The following TENM3 variants were observed in gnomAD, a reference collection of about 807,000 sequenced individuals.
TENM3 encodes the protein teneurin transmembrane protein 3, also known as teneurin-3.
TENM3 carries 63 observed loss-of-function variants against 255.1 expected under a neutral mutation model. That is an observed-to-expected ratio of 0.25 (90% CI 0.20 to 0.30). The LOEUF (loss-of-function observed/expected upper bound fraction) is 0.30. Ranked by LOEUF, TENM3 falls within the 10% of genes least tolerant of loss-of-function variation. The pLI is 1.00. For missense variants in TENM3, 2,929 were observed against 3,461.1 expected (o/e 0.85, Z 3.86); for synonymous variants, 1,306 against 1,322.3 (o/e 0.99, Z 0.27).
At chr4:182,084,057 T>C in the TENM3 span, among the ~76,000 whole-genome samples, 6 of 152,064 alleles carry the variant, frequency 3.9e-5, no homozygotes, top group African/African-American at 1.4e-4. Flanking sequence ...AATTCTGCCA[T>C]TTTTTTTCTC....
the TENM3 span, among the ~76,000 whole-genome samples, chr4:181,713,674 A>C: frequency 6.6e-6 from 1 of 152,130 alleles, no homozygotes; most frequent in Admixed American, 6.6e-5. Flanking sequence ...GGTTTGGGCC[A>C]CCAAGATTGA....
the TENM3 span, among the ~76,000 whole-genome samples, chr4:181,563,122 G>A: frequency 1.3e-5 from 2 of 152,332 alleles, no homozygotes; most frequent in African/African-American, 4.8e-5. Context: ...CACACGGGGA[G>A]GGTGGCTTAA....
the TENM3 span, among the ~76,000 whole-genome samples, chr4:181,503,223 G>A: frequency 2.0e-5 from 3 of 151,984 alleles, no homozygotes; most frequent in African/African-American, 7.2e-5. Flanking sequence ...AAAAATAGCT[G>A]GGCATGCTGG....
chr4:182,455,442 T>C (rs190236940), intron 3 of TENM3, among the ~76,000 whole-genome samples: 54 of 152,144 alleles, frequency 3.5e-4, no homozygotes, highest in Admixed American at 8.5e-4. Context: ...TACCTCACCC[T>C]CTACTGCTCC....
At chr4:182,307,407 G>T (rs1177672705) in intron 1 of TENM3, among the ~76,000 whole-genome samples, 1 of 152,136 alleles carries the variant, frequency 6.6e-6, no homozygotes, top group Non-Finnish European at 1.5e-5. Flanking sequence ...TACACCTCCT[G>T]GTTGCAGAAG....
chr4:182,031,670 C>T, the TENM3 span, among the ~76,000 whole-genome samples: 1 of 152,110 alleles, frequency 6.6e-6, no homozygotes, highest in Non-Finnish European at 1.5e-5. Flanking sequence ...GATGTTGATT[C>T]TTCCTATCCA....
At chr4:181,467,148 T>TTTTGGG in the TENM3 span, among the ~76,000 whole-genome samples, 2 of 109,202 alleles carry the variant, frequency 1.8e-5, no homozygotes, top group African/African-American at 7.7e-5. Flanking sequence ...TTTTTTTTTT[T>TTTTGGG]AGGCAGAGTC....
rs1022656315 is a variant in TENM3, at chr4:182,389,907, C to G, written c.511+42978C>G. 1.4e-3 allele frequency among the ~76,000 whole-genome samples: 220 copies of G among 151,940 alleles called. 3 individuals are homozygous for G. Among genetic ancestry groups the G allele is most frequent in the Non-Finnish European group, 1.3e-3 (89 of 67,916 alleles). On this transcript the variant is annotated intron_variant, in intron 3 of 27. Coordinates refer to ENST00000511685, the MANE Select transcript of TENM3 (RefSeq NM_001080477.4). ...TCACCATGTTGGCCAGGATGGTCTCCGTCTCCTGACCTCGTGATCCGCCCG... is the reference window on the plus strand; with the variant it reads ...TCACCATGTTGGCCAGGATGGTCTCGGTCTCCTGACCTCGTGATCCGCCCG...
At chr4:182,625,426 C>T (rs1034116312) in intron 4 of TENM3, among the ~76,000 whole-genome samples, 2 of 151,864 alleles carry the variant, frequency 1.3e-5, no homozygotes, top group Non-Finnish European at 3.0e-5. Context: ...CGAGGTTGTG[C>T]GAGAATCTAA....
intron 1 of TENM3, among the ~76,000 whole-genome samples, chr4:182,317,998 A>G (rs1461474884): frequency 1.3e-5 from 2 of 152,208 alleles, no homozygotes; most frequent in Non-Finnish European, 2.9e-5. Context: ...TACTCTGTAC[A>G]AAGAACTTAA....
the TENM3 span, among the ~76,000 whole-genome samples, chr4:181,803,300 T>C: frequency 6.6e-6 from 1 of 152,346 alleles, no homozygotes; most frequent in African/African-American, 2.4e-5. Flanking sequence ...CAAGAATGTA[T>C]CCAGCTTTCT....
chr4:182,137,291 C>G, the TENM3 span, among the ~76,000 whole-genome samples: 1 of 151,842 alleles, frequency 6.6e-6, no homozygotes, highest in East Asian at 1.9e-4. Context: ...GTTAGCTTTT[C>G]CAGCCTCTGC....
intron 3 of TENM3, among the ~76,000 whole-genome samples, chr4:182,412,402 T>C (rs1770048726): frequency 6.6e-6 from 1 of 152,178 alleles, no homozygotes; most frequent in African/African-American, 2.4e-5. Context: ...TATAAAATAC[T>C]ATTCAAAATG....
chr4:182,358,167 G>T (rs1765697744), intron 3 of TENM3, among the ~76,000 whole-genome samples: 1 of 151,424 alleles, frequency 6.6e-6, no homozygotes, highest in African/African-American at 2.4e-5. Context: ...CTCCAGCTTT[G>T]TTCTTTTGGC....
At chr4:182,335,719 C>T (rs1047960685) in intron 2 of TENM3, among the ~76,000 whole-genome samples, 1 of 151,872 alleles carries the variant, frequency 6.6e-6, no homozygotes, top group Non-Finnish European at 1.5e-5. Flanking sequence ...AAACCTTTTA[C>T]ATGTAAATTA....
At chr4:182,759,647 A>C (rs1762984594) in intron 22 of TENM3, among the ~76,000 whole-genome samples, 1 of 152,252 alleles carries the variant, frequency 6.6e-6, no homozygotes, top group South Asian at 2.1e-4. Flanking sequence ...GGTGTTAAAC[A>C]CAGAAAACTT....
chr4:181,966,083 A>G, the TENM3 span, among the ~76,000 whole-genome samples: 1 of 152,230 alleles, frequency 6.6e-6, no homozygotes, highest in Non-Finnish European at 1.5e-5. Flanking sequence ...ATTTGACTGT[A>G]GACCAGCAGC....
chr4:181,685,772 G>T, the TENM3 span, among the ~76,000 whole-genome samples: 1 of 152,136 alleles, frequency 6.6e-6, no homozygotes, highest in Non-Finnish European at 1.5e-5. Context: ...GCTAGTAAAG[G>T]CAGCAGGTAA....
chr4:181,610,588 C>CA, the TENM3 span, among the ~76,000 whole-genome samples: 6 of 151,756 alleles, frequency 4.0e-5, no homozygotes, highest in African/African-American at 1.5e-4. Flanking sequence ...ATTTCTGCAC[C>CA]AAAAATTGTA....
Sources: allele counts gnomAD v4.1 joint callset (sites outside exome capture counted in the v4.1 genomes callset), GRCh38; gene constraint gnomAD v4.1.1; transcripts MANE v1.5; gene names NCBI Gene and HGNC (gene_info 2026-07-23, HGNC 2026-07-21).